ANKS1B: variants seen among roughly 807,000 people sequenced by gnomAD.
ANKS1B encodes the protein ankyrin repeat and sterile alpha motif domain-containing protein 1B.
In ANKS1B, 36 loss-of-function variants were observed where a neutral mutation model predicts 148.3. The observed-to-expected ratio is 0.24, with a 90% CI of 0.19 to 0.32. The LOEUF is 0.32. ANKS1B is among the 10% of genes least tolerant of loss of function. ANKS1B has a pLI of 1.00. For missense variants in ANKS1B, 1,157 were observed against 1,542.6 expected, an observed-to-expected ratio of 0.75 and a Z score of 4.19; for synonymous variants, 542 against 560.8, an observed-to-expected ratio of 0.97 and a Z score of 0.47.
At chr12:99,890,594 TG>T (rs2093048002) in intron 1 of ANKS1B, among the ~76,000 whole-genome samples, 1 of 150,760 alleles carries the variant, frequency 6.6e-6, no homozygotes, top group Non-Finnish European at 1.5e-5. Flanking sequence ...TGTGTGTGTG[TG>T]TGTGTGTGTG....
intron 15 of ANKS1B, among the ~76,000 whole-genome samples, chr12:99,102,750 T>TA (rs985537910): frequency 6.6e-6 from 1 of 151,550 alleles, no homozygotes; most frequent in African/African-American, 2.4e-5. Context: ...TCTCAAAAAA[T>TA]AAAAAACTAA....
intron 14 of ANKS1B, among the ~76,000 whole-genome samples, chr12:99,179,316 C>T (rs1429736319): frequency 6.7e-6 from 1 of 150,172 alleles, no homozygotes; most frequent in African/African-American, 2.5e-5. Flanking sequence ...GTAGTCCCAG[C>T]TACTTGGGAG....
chr12:99,421,162 T>A (rs2095068310), intron 11 of ANKS1B, among the ~76,000 whole-genome samples: 1 of 152,192 alleles, frequency 6.6e-6, no homozygotes, highest in South Asian at 2.1e-4. Flanking sequence ...AATATTTTAG[T>A]ATAAGTAGGA....
intron 25 of ANKS1B, among the ~76,000 whole-genome samples, chr12:98,770,726 G>A (rs2098554772): frequency 6.6e-6 from 1 of 152,126 alleles, no homozygotes; most frequent in Non-Finnish European, 1.5e-5. Flanking sequence ...AGCATGAACT[G>A]CCTGACTCAC....
intron 12 of ANKS1B, among the ~76,000 whole-genome samples, chr12:99,256,849 T>C (rs773561926): frequency 7.9e-5 from 12 of 152,180 alleles, no homozygotes; most frequent in Non-Finnish European, 1.5e-4. Context: ...CTGCTTGGAA[T>C]ACAGTGTGCT....
intron 15 of ANKS1B, among the ~76,000 whole-genome samples, chr12:99,092,693 C>T (rs2054492532): frequency 6.6e-6 from 1 of 152,132 alleles, no homozygotes. Flanking sequence ...ACTGTAGATG[C>T]TGATGCAGAG....
chr12:99,732,818 C>A (rs1343396873), intron 8 of ANKS1B, among the ~76,000 whole-genome samples: 1 of 152,092 alleles, frequency 6.6e-6, no homozygotes, highest in Non-Finnish European at 1.5e-5. Context: ...AAGATCAAGA[C>A]AGAGACACTG....
At chr12:99,025,030 A>C (rs1048348672) in intron 17 of ANKS1B, among the ~76,000 whole-genome samples, 1 of 151,942 alleles carries the variant, frequency 6.6e-6, no homozygotes, top group Non-Finnish European at 1.5e-5. Context: ...CCTGACCAAA[A>C]CCTGGTGATT....
chr12:99,106,890 T>C (rs563301891), intron 15 of ANKS1B, among the ~76,000 whole-genome samples: 2 of 152,326 alleles, frequency 1.3e-5, no homozygotes, highest in African/African-American at 4.8e-5. Flanking sequence ...CTTTCAGTTA[T>C]AATACCTCAC....
downstream of ANKS1B, among the ~76,000 whole-genome samples, chr12:98,741,800 C>T (rs2097800867): frequency 6.6e-6 from 1 of 152,204 alleles, no homozygotes. Flanking sequence ...AGAAATCCGC[C>T]TCTCAAATGT....
intron 24 of ANKS1B, among the ~76,000 whole-genome samples, chr12:98,775,987 G>C (rs571457800): frequency 6.6e-6 from 1 of 152,250 alleles, no homozygotes; most frequent in South Asian, 2.1e-4. Context: ...CTTAAAAGAT[G>C]CTCTTGAATT....
At chr12:99,333,860 T>G (rs1014553957) in intron 12 of ANKS1B, among the ~76,000 whole-genome samples, 21 of 149,134 alleles carry the variant, frequency 1.4e-4, no homozygotes, top group Admixed American at 2.0e-4. Context: ...CTCAGTTTTT[T>G]TTTTTTTTTT....
intron 12 of ANKS1B, among the ~76,000 whole-genome samples, chr12:99,263,310 T>G (rs1210876956): frequency 6.6e-6 from 1 of 152,102 alleles, no homozygotes; most frequent in Non-Finnish European, 1.5e-5. Context: ...CAATTTATAT[T>G]AAAATAGTCT....
chr12:99,762,742 A>T (rs2062254744), intron 8 of ANKS1B, among the ~76,000 whole-genome samples: 1 of 152,196 alleles, frequency 6.6e-6, no homozygotes, highest in Non-Finnish European at 1.5e-5. Context: ...AGAATGGTAG[A>T]AAATATTCAC....
chr12:99,735,806 C>CAAA (rs2059560329), intron 8 of ANKS1B, among the ~76,000 whole-genome samples: 1 of 73,368 alleles, frequency 1.4e-5, no homozygotes, highest in African/African-American at 5.6e-5. Context: ...AGGACATATA[C>CAAA]CAAAAAAAAA....
intron 1 of ANKS1B, among the ~76,000 whole-genome samples, chr12:99,875,913 G>C (rs1174865916): frequency 6.6e-6 from 1 of 152,184 alleles, no homozygotes; most frequent in Non-Finnish European, 1.5e-5. Flanking sequence ...GGGCTAGGAA[G>C]TATCAAGATG....
intron 9 of ANKS1B, among the ~76,000 whole-genome samples, chr12:99,517,177 T>A (rs2096829872): frequency 1.3e-5 from 2 of 152,176 alleles, no homozygotes; most frequent in Non-Finnish European, 2.9e-5. Context: ...TCTTGTATGA[T>A]CTTTAATTTC....
intron 4 of ANKS1B, among the ~76,000 whole-genome samples, chr12:99,787,937 G>C (rs918467140): frequency 1.3e-5 from 2 of 152,190 alleles, no homozygotes; most frequent in Admixed American, 1.3e-4. Flanking sequence ...ATTTGCACCA[G>C]CCCAGCCAGA....
At chr12:99,749,157 C>T (rs2060871185) in intron 8 of ANKS1B, among the ~76,000 whole-genome samples, 1 of 152,078 alleles carries the variant, frequency 6.6e-6, no homozygotes. Flanking sequence ...CCTACCCCTA[C>T]CTCCTATAAG....
Sources: gnomAD v4.1 joint callset for allele counts (sites outside exome capture counted in the v4.1 genomes callset) on GRCh38, gnomAD v4.1.1 for gene constraint, MANE v1.5 for transcripts, NCBI Gene and HGNC (gene_info 2026-07-23, HGNC 2026-07-21) for gene names.